The following STOX2 variants were observed in gnomAD, a reference collection of about 807,000 sequenced individuals.
STOX2 encodes the protein storkhead box 2, also known as storkhead-box protein 2.
Under a neutral mutation model 60.9 loss-of-function variants are expected in STOX2, and 28 were observed. The observed-to-expected ratio is 0.46, with a 90% CI of 0.34 to 0.63. The LOEUF (loss-of-function observed/expected upper bound fraction) is 0.63. Among genes scored for constraint, STOX2 ranks in the 30% least tolerant of loss-of-function variants. The pLI is 0.01. For synonymous variants in STOX2, 472 were observed against 463.9 expected, an observed-to-expected ratio of 1.02 and a Z score of -0.22; for missense variants, 1,024 against 1,187.7, an observed-to-expected ratio of 0.86 and a Z score of 2.03.
intron 1 of STOX2, among the ~76,000 whole-genome samples, chr4:183,849,716 C>T (rs1322969445): frequency 6.6e-6 from 1 of 152,120 alleles, no homozygotes; most frequent in Non-Finnish European, 1.5e-5. Flanking sequence ...GAGCCATCCA[C>T]ACATCGGGAT....
chr4:183,851,013 A>C (rs1266517621), intron 1 of STOX2, among the ~76,000 whole-genome samples: 3 of 148,648 alleles, frequency 2.0e-5, no homozygotes, highest in South Asian at 4.5e-4. Context: ...GATGAGAGAA[A>C]GGATGAGAGA....
rs1328623986 is a variant in STOX2 at position 183,945,162 on chromosome 4, A to G, written c.166+38206A>G. 3.3e-5 allele frequency among the ~76,000 whole-genome samples: 5 copies of G among 152,284 alleles called. No homozygotes were observed. In the East Asian group the frequency reaches 5.8e-4, roughly 18 times the overall value. ...GAAAGATTAGGACAAAATTTCATCAATTGTCAGTTTTAGGTGGTGGCAAGG... is the reference window on the plus strand; with the variant it reads ...GAAAGATTAGGACAAAATTTCATCAGTTGTCAGTTTTAGGTGGTGGCAAGG... On this transcript the variant is annotated intron_variant, in intron 1 of 3. Coordinates refer to ENST00000308497, the MANE Select transcript of STOX2 (RefSeq NM_020225.3).
chr4:183,848,928 T>TTCTGGC (rs1740046900), intron 1 of STOX2, among the ~76,000 whole-genome samples: 1 of 152,162 alleles, frequency 6.6e-6, no homozygotes, highest in Non-Finnish European at 1.5e-5. Flanking sequence ...AGTGCCTGGT[T>TTCTGGC]TCTGGCTCTG....
chr4:183,891,586 C>A (rs7667953), intron 1 of STOX2, among the ~76,000 whole-genome samples: 119,172 of 151,064 alleles, frequency 0.79, 47,595 homozygotes, highest in Middle Eastern at 0.86. Flanking sequence ...GAATGATACA[C>A]TGGACTTTGG....
At chr4:183,850,651 C>T (rs564002014) in intron 1 of STOX2, among the ~76,000 whole-genome samples, 1 of 152,246 alleles carries the variant, frequency 6.6e-6, no homozygotes, top group South Asian at 2.1e-4. Context: ...ATTGCTTGAA[C>T]CCAGGAGGTG....
In STOX2 at chr4:184,001,917, G is replaced by C. The variant is rs1052446254; in HGVS notation, c.319+440G>C. On this transcript the variant is annotated intron_variant, in intron 2 of 3. Transcript: ENST00000308497. This position sits in a 1 kb window ranked among gnomAD's most constrained non-coding sequence, Gnocchi z 4.2. ...TGATGAGTTTTAAGAAAATAATATT[G>C]ATAAATTAGGATTTCATTTTAAAAA... Among the ~76,000 whole-genome samples, 3 of 151,946 alleles carry C rather than the reference G, an allele frequency of 2.0e-5. No homozygotes were observed. The highest frequency in any genetic ancestry group is 2.0e-4 in the Admixed American group (3 of 15,232).
At chr4:183,863,547 G>C (rs956627577) in intron 1 of STOX2, among the ~76,000 whole-genome samples, 1 of 125,818 alleles carries the variant, frequency 7.9e-6, no homozygotes, top group South Asian at 2.6e-4. Flanking sequence ...ATCCACTCCT[G>C]TTTTGTACAC....
chr4:183,833,998 A>C (rs1579316119), intron 1 of STOX2, among the ~76,000 whole-genome samples: 1 of 147,658 alleles, frequency 6.8e-6, no homozygotes, highest in African/African-American at 2.4e-5. Flanking sequence ...AAAAAAAAAA[A>C]AAAGAATGTG....
chr4:183,908,602 T>C (rs1272541210), intron 1 of STOX2, among the ~76,000 whole-genome samples: 1 of 151,840 alleles, frequency 6.6e-6, no homozygotes. Flanking sequence ...GTTTTTTTTT[T>C]TTTTTTTTTT....
chr4:183,901,235 A>G (rs12507827), upstream of STOX2, among the ~76,000 whole-genome samples: 8,481 of 152,252 alleles, frequency 0.056, 646 homozygotes, highest in African/African-American at 0.16. Context: ...GTAGCATTGG[A>G]CAAGATTTCC....
intron 2 of STOX2, among the ~76,000 whole-genome samples, chr4:184,004,610 A>G (rs2111232984): frequency 1.3e-5 from 1 of 78,066 alleles, no homozygotes; most frequent in South Asian, 5.0e-4. Flanking sequence ...AAAAACAAAA[A>G]CAAAAAAAAA....
At chr4:183,895,325 C>A (rs955738574) in intron 1 of STOX2, among the ~76,000 whole-genome samples, 2 of 152,114 alleles carry the variant, frequency 1.3e-5, no homozygotes, top group African/African-American at 4.8e-5. Flanking sequence ...GAAGTAGATA[C>A]AATATTTGTT....
At chr4:183,881,977 A>G (rs757348511) in intron 1 of STOX2, among the ~76,000 whole-genome samples, 2 of 152,202 alleles carry the variant, frequency 1.3e-5, no homozygotes, top group South Asian at 2.1e-4. Context: ...CCTAGAACTG[A>G]ATTAATTACA....
At chr4:183,996,559 C>T (rs1733356108) in intron 1 of STOX2, among the ~76,000 whole-genome samples, 1 of 152,136 alleles carries the variant, frequency 6.6e-6, no homozygotes, top group Non-Finnish European at 1.5e-5. Context: ...TTTCTAGTAG[C>T]ATATCTTAAA....
intron 1 of STOX2, among the ~76,000 whole-genome samples, chr4:183,908,109 G>T (rs912698969): frequency 3.9e-5 from 6 of 152,156 alleles, no homozygotes; most frequent in Non-Finnish European, 8.8e-5. Flanking sequence ...CCTTGCGACC[G>T]CATTTCCACG....
At chr4:183,970,678 C>G (rs1367627290) in intron 1 of STOX2, among the ~76,000 whole-genome samples, 1 of 152,214 alleles carries the variant, frequency 6.6e-6, no homozygotes, top group African/African-American at 2.4e-5. Flanking sequence ...TCTTCTCTGT[C>G]CCCACTGGTT....
chr4:183,872,203 C>G (rs1740708469), intron 1 of STOX2, among the ~76,000 whole-genome samples: 1 of 152,078 alleles, frequency 6.6e-6, no homozygotes, highest in African/African-American at 2.4e-5. Context: ...TACAGGCGCC[C>G]ACAATCATGC....
intron 1 of STOX2, among the ~76,000 whole-genome samples, chr4:183,801,982 C>G (rs1200517328): frequency 6.6e-6 from 1 of 152,220 alleles, no homozygotes. Context: ...TGCTCTCCTT[C>G]GGTACACTTG....
intron 1 of STOX2, among the ~76,000 whole-genome samples, chr4:183,981,246 CA>C (rs1732649538): frequency 6.6e-6 from 1 of 152,062 alleles, no homozygotes; most frequent in Non-Finnish European, 1.5e-5. Flanking sequence ...TCATTGTAAA[CA>C]AAGTTTTAAA....
Sources: gnomAD v4.1 joint callset for allele counts (sites outside exome capture counted in the v4.1 genomes callset) on GRCh38, gnomAD v4.1.1 for gene constraint, Gnocchi (gnomAD v3.1) non-coding constraint, MANE v1.5 for transcripts, NCBI Gene and HGNC (gene_info 2026-07-23, HGNC 2026-07-21) for gene names.